NFIA: variants seen among roughly 807,000 people sequenced by gnomAD.
NFIA encodes the protein nuclear factor 1 A-type.
NFIA carries 8 observed loss-of-function variants against 62.8 expected under a neutral mutation model. The observed-to-expected ratio is 0.13, with a 90% confidence interval of 0.07 to 0.23. The LOEUF is 0.23. Among genes scored for constraint, NFIA ranks in the 10% least tolerant of loss-of-function variants. NFIA has a pLI of 1.00. For missense variants in NFIA, 410 were observed against 642.1 expected (o/e 0.64, Z 3.91); for synonymous variants, 235 against 238.1 (o/e 0.99, Z 0.12).
intron 2 of NFIA, among the ~76,000 whole-genome samples, chr1:61,199,465 G>A (rs1652265437): frequency 6.6e-6 from 1 of 152,156 alleles, no homozygotes; most frequent in African/African-American, 2.4e-5. Flanking sequence ...TTAGAGATGA[G>A]CATACCATGG....
chr1:61,305,473 T>TA (rs1659718333), intron 3 of NFIA, among the ~76,000 whole-genome samples: 1 of 152,194 alleles, frequency 6.6e-6, no homozygotes, highest in Admixed American at 6.5e-5. Context: ...GGTTGCAAGT[T>TA]AGAGACTGGA....
intron 9 of NFIA, among the ~76,000 whole-genome samples, chr1:61,425,265 G>T (rs1416117810): frequency 1.3e-5 from 2 of 152,032 alleles, no homozygotes; most frequent in African/African-American, 4.8e-5. Flanking sequence ...GAAACAAGAA[G>T]TATGAGCAAT....
At chr1:61,227,210 T>C (rs1234089091) in intron 2 of NFIA, among the ~76,000 whole-genome samples, 1 of 152,230 alleles carries the variant, frequency 6.6e-6, no homozygotes, top group African/African-American at 2.4e-5. Context: ...TCTGGTTTGC[T>C]GAGATTTGGA....
At chr1:61,231,634 T>C (rs1654674739) in intron 2 of NFIA, among the ~76,000 whole-genome samples, 1 of 152,180 alleles carries the variant, frequency 6.6e-6, no homozygotes, top group Admixed American at 6.5e-5. Flanking sequence ...GTATATAAGG[T>C]AAGACCTGCT....
At chr1:61,197,230 G>A (rs1037668771) in intron 2 of NFIA, among the ~76,000 whole-genome samples, 2 of 145,144 alleles carry the variant, frequency 1.4e-5, no homozygotes, top group African/African-American at 5.2e-5. Flanking sequence ...TTACTACTCT[G>A]GTTCTTTTTT....
chr1:61,423,683 T>C (rs1382715085), intron 9 of NFIA, among the ~76,000 whole-genome samples: 1 of 152,194 alleles, frequency 6.6e-6, no homozygotes, highest in African/African-American at 2.4e-5. Flanking sequence ...AATGTGGTTG[T>C]TTTAACAAAA....
intron 3 of NFIA, among the ~76,000 whole-genome samples, chr1:61,300,186 A>T (rs535419647): frequency 4.2e-4 from 64 of 152,252 alleles, no homozygotes; most frequent in Non-Finnish European, 6.3e-4. Context: ...TCTCTGGATC[A>T]TATTTTATGT....
At chr1:61,306,269 CTTTT>C (rs774297484) in intron 3 of NFIA, among the ~76,000 whole-genome samples, 1,258 of 60,576 alleles carry the variant, frequency 0.021, 18 homozygotes, top group Admixed American at 0.04. Flanking sequence ...AGATTTTGTT[CTTTT>C]TTTTTTTTTT....
intron 9 of NFIA, among the ~76,000 whole-genome samples, chr1:61,408,630 C>T (rs1665960021): frequency 1.3e-5 from 2 of 152,274 alleles, no homozygotes; most frequent in Non-Finnish European, 2.9e-5. Flanking sequence ...CTCAATGGCT[C>T]GTGTGTCCTA....
chr1:61,414,536 G>GTT (rs1224321705), intron 9 of NFIA, among the ~76,000 whole-genome samples: 1 of 81,820 alleles, frequency 1.2e-5, no homozygotes, highest in Admixed American at 1.5e-4. Flanking sequence ...TTGGTTTTTT[G>GTT]TTTTGTTTTT....
intron 3 of NFIA, among the ~76,000 whole-genome samples, chr1:61,285,606 A>T (rs116299586): frequency 2.6e-5 from 4 of 151,698 alleles, no homozygotes; most frequent in Non-Finnish European, 5.9e-5. Flanking sequence ...GCTCCAGGCA[A>T]CTCTTTTCCC....
intron 6 of NFIA, among the ~76,000 whole-genome samples, chr1:61,368,782 T>A (rs1275920199): frequency 6.6e-6 from 1 of 152,252 alleles, no homozygotes; most frequent in Non-Finnish European, 1.5e-5. Context: ...CTAAACTTAC[T>A]GTATGAATTT....
intron 2 of NFIA, among the ~76,000 whole-genome samples, chr1:61,106,786 C>G (rs917301163): frequency 4.6e-5 from 7 of 151,370 alleles, no homozygotes; most frequent in African/African-American, 1.7e-4. Flanking sequence ...TGTTCTTTTC[C>G]TCTCCCATTA....
chr1:61,328,289 G>A (rs1661071428), intron 3 of NFIA, among the ~76,000 whole-genome samples: 1 of 151,870 alleles, frequency 6.6e-6, no homozygotes, highest in African/African-American at 2.4e-5. Flanking sequence ...TTAATCCTCT[G>A]CCTGAAGAGC....
chr1:61,153,323 A>G (rs1389518169), intron 2 of NFIA, among the ~76,000 whole-genome samples: 1 of 152,178 alleles, frequency 6.6e-6, no homozygotes, highest in Non-Finnish European at 1.5e-5. Context: ...GATTCCTTGT[A>G]ATTATTGATC....
intron 2 of NFIA, among the ~76,000 whole-genome samples, chr1:61,181,063 T>C (rs192824403): frequency 1.2e-3 from 180 of 152,348 alleles, no homozygotes; most frequent in Non-Finnish European, 1.8e-3. Flanking sequence ...AAAAATACAG[T>C]GCTTGAGGCA....
chr1:61,214,915 A>G (rs1653514374), intron 2 of NFIA, among the ~76,000 whole-genome samples: 1 of 152,186 alleles, frequency 6.6e-6, no homozygotes, highest in Non-Finnish European at 1.5e-5. Flanking sequence ...CCTTAAATGT[A>G]ACTCCTTTAT....
intron 3 of NFIA, among the ~76,000 whole-genome samples, chr1:61,287,186 C>A (rs1363856346): frequency 6.6e-6 from 1 of 152,128 alleles, no homozygotes; most frequent in African/African-American, 2.4e-5. Context: ...AATGAGTGTT[C>A]AGTGGGAAGC....
At chr1:61,093,165 C>A (rs1469766003) in intron 2 of NFIA, among the ~76,000 whole-genome samples, 5 of 152,056 alleles carry the variant, frequency 3.3e-5, no homozygotes, top group African/African-American at 1.2e-4. Flanking sequence ...TCAATATATT[C>A]TTTTAGCAGC....
Sources: gnomAD v4.1 joint callset for allele counts (sites outside exome capture counted in the v4.1 genomes callset) on GRCh38, gnomAD v4.1.1 for gene constraint, MANE v1.5 for transcripts, NCBI Gene and HGNC (gene_info 2026-07-23, HGNC 2026-07-21) for gene names.